The following VASH2 variants were observed in gnomAD, a reference collection of about 807,000 sequenced individuals.
VASH2 encodes the protein tubulinyl-Tyr carboxypeptidase 2.
VASH2 carries 28 observed loss-of-function variants against 37.2 expected under a neutral mutation model. That is an observed-to-expected ratio of 0.75 (90% confidence interval 0.56 to 1.03). The LOEUF (loss-of-function observed/expected upper bound fraction) is 1.03. VASH2 is among the 50% of genes least tolerant of loss of function. VASH2 has a pLI of 0.00. For missense variants in VASH2, 419 were observed against 459.1 expected (o/e 0.91, Z 0.80); for synonymous variants, 188 against 174.7 (o/e 1.08, Z -0.60).
Position 212,951,840 on chromosome 1 carries a change from G to A in VASH2, c.276+22G>A, listed in dbSNP as rs1666320889. 1 of 1,589,222 alleles carries A rather than the reference G, an allele frequency of 6.3e-7. No homozygotes were observed. Among genetic ancestry groups the A allele is most frequent in the Non-Finnish European group, 8.5e-7 (1 of 1,172,584 alleles). On this transcript the variant is annotated intron_variant, in intron 2 of 7. Coordinates refer to ENST00000517399, the MANE Select transcript of VASH2 (RefSeq NM_001301056.2). The surrounding 1 kb of genome is among the most constrained non-coding windows in gnomAD (Gnocchi z 4.4). The stretch of plus-strand genomic sequence containing the variant: ...AAAGGTCAGTGGCTTCCAGGGCGGA[G>A]TTGGGGGGCTGGGGGTAGGTAGGCA...
chr1:212,968,406 C>T (rs1666911748), intron 5 of VASH2: 27 of 985,458 alleles, frequency 2.7e-5, no homozygotes, highest in Non-Finnish European at 3.3e-5. Context: ...CAGAATTAGA[C>T]TGGGGACAGG....
chr1:212,983,003 G>C (rs1219515838), intron 7 of VASH2, among the ~76,000 whole-genome samples: 7 of 152,142 alleles, frequency 4.6e-5, no homozygotes, highest in Admixed American at 2.0e-4. Context: ...ATGTTGTCAT[G>C]GTAACTTGAA....
chr1:212,965,010 T>C (rs984673855), intron 3 of VASH2, among the ~76,000 whole-genome samples: 12 of 151,946 alleles, frequency 7.9e-5, no homozygotes, highest in Admixed American at 3.3e-4. Context: ...AAATTCTGCC[T>C]CTTAGATTCA....
intron 6 of VASH2, chr1:212,973,420 C>T (rs2102646191): frequency 1.5e-6 from 2 of 1,291,570 alleles, no homozygotes; most frequent in Middle Eastern, 2.1e-4. Context: ...CCATGTCCCT[C>T]CAGGGCTTGT....
At chr1:212,973,901 G>A (rs1279692637) in intron 6 of VASH2, 54 bp from the exon 7 acceptor site, 3 of 1,583,340 alleles carry the variant, frequency 1.9e-6, no homozygotes, top group African/African-American at 1.3e-5. Context: ...AAGAAGACCT[G>A]AGGGTGGAGG....
intron 6 of VASH2, chr1:212,973,345 C>A: frequency 8.0e-7 from 1 of 1,257,202 alleles, no homozygotes. Context: ...CTTATATAGA[C>A]TATACTCATA....
intron 5 of VASH2, chr1:212,967,012 T>G: frequency 5.3e-6 from 5 of 936,792 alleles, no homozygotes; most frequent in South Asian, 1.4e-5. Flanking sequence ...CCCAAAGTGT[T>G]GAGATTAGAG....
intron 3 of VASH2, among the ~76,000 whole-genome samples, chr1:212,964,028 T>C (rs1204686197): frequency 6.6e-6 from 1 of 152,158 alleles, no homozygotes; most frequent in Non-Finnish European, 1.5e-5. Flanking sequence ...GGCAAGACTG[T>C]ATGGTTAGTT....
Position 212,951,595 on chromosome 1 carries a change from A to T in VASH2, c.53A>T (p.Lys18Ile). The stretch of plus-strand genomic sequence containing the variant: ...CGCTGCCCCCACCCCAAAGGCGCCA[A>T]AGGCACCCGGTCCCGGAGCAGCCAC... ...THRCPHPKGAKGTRSRSSHAR... is the reference protein window; with the variant it reads ...THRCPHPKGAIGTRSRSSHAR... Residue 18 changes from lysine to isoleucine, a missense_variant, in exon 2 of 8, where the codon AAA becomes ATA. By Grantham distance (102) the Lys-to-Ile change is moderately radical (BLOSUM62 -3). Transcript: ENST00000517399. This position sits in a 1 kb window ranked among gnomAD's most constrained non-coding sequence, Gnocchi z 4.4. 1 of 1,550,790 alleles carries T rather than the reference A, an allele frequency of 6.4e-7. No individual in the cohort carries two copies. Among genetic ancestry groups the T allele is most frequent in the Non-Finnish European group, 8.7e-7 (1 of 1,147,612 alleles).
At chr1:212,979,331 G>C (rs1049313987) in intron 7 of VASH2, among the ~76,000 whole-genome samples, 1 of 152,224 alleles carries the variant, frequency 6.6e-6, no homozygotes, top group East Asian at 1.9e-4. Context: ...GAATCTTACT[G>C]TAAGATGGCC....
intron 2 of VASH2, among the ~76,000 whole-genome samples, chr1:212,952,037 C>T (rs1666329556): frequency 6.6e-6 from 1 of 152,294 alleles, no homozygotes; most frequent in South Asian, 2.1e-4. Flanking sequence ...GGCTTGCTAT[C>T]CTGGGACTGT....
chr1:212,982,926 TTCA>T (rs1667379257), intron 7 of VASH2, among the ~76,000 whole-genome samples: 2 of 152,150 alleles, frequency 1.3e-5, no homozygotes, highest in East Asian at 3.8e-4. Flanking sequence ...CCACATGGCT[TTCA>T]GGGGTAAAGC....
In VASH2 at chr1:212,966,260, C is replaced by G; in HGVS notation, c.423-11C>G. Reference sequence around the variant, plus strand: ...AGGTTCTGAGATCCTCTGCTGTGCTCTATCCTACAGGTTAATGGAAACAGC... The same window carrying G: ...AGGTTCTGAGATCCTCTGCTGTGCTGTATCCTACAGGTTAATGGAAACAGC... On this transcript the variant is annotated splice_polypyrimidine_tract_variant and intron_variant, in intron 4 of 7. Coordinates refer to ENST00000517399, the MANE Select transcript of VASH2 (RefSeq NM_001301056.2). 6 of 1,551,244 alleles carry G rather than the reference C, an allele frequency of 3.9e-6. No homozygotes were observed. The highest frequency in any genetic ancestry group is 1.2e-5 in the South Asian group (1 of 84,038).
intron 7 of VASH2, among the ~76,000 whole-genome samples, chr1:212,985,170 T>C (rs1350400361): frequency 6.7e-6 from 1 of 149,720 alleles, no homozygotes; most frequent in Non-Finnish European, 1.5e-5. Flanking sequence ...TACAGGCGCA[T>C]GTCACCATGT....
intron 7 of VASH2, among the ~76,000 whole-genome samples, chr1:212,986,477 A>C (rs1667482318): frequency 1.3e-5 from 2 of 152,212 alleles, no homozygotes. Flanking sequence ...GGACTCTTTA[A>C]ACCTGACTTG....
chr1:212,987,542 C>G (rs1667516483), intron 7 of VASH2, among the ~76,000 whole-genome samples: 1 of 152,102 alleles, frequency 6.6e-6, no homozygotes, highest in Non-Finnish European at 1.5e-5. Context: ...CCACGGCACT[C>G]TAGCCTGGGC....
At position 212,972,920 on chromosome 1, in the gene VASH2, A is replaced by C; in HGVS notation, c.838A>C (p.Arg280=). 6.2e-7 allele frequency: 1 copy of C among 1,613,932 alleles called. No homozygotes were observed. Among genetic ancestry groups the C allele is most frequent in the Non-Finnish European group, 8.5e-7 (1 of 1,180,034 alleles). The part of the protein sequence containing the change: ...NVSKMLRADI[R]KELEKYARDM... ...CTCAAAGATGCTGAGGGCTGACATA[A>C]GGAAGGAGCTGGAGAAATATGCCAG... Residue 280 remains arginine (R), a synonymous_variant, in exon 6 of 8, where the codon AGG becomes CGG. Coordinates refer to ENST00000517399, the MANE Select transcript of VASH2 (RefSeq NM_001301056.2).
intron 7 of VASH2, among the ~76,000 whole-genome samples, chr1:212,982,944 C>T (rs1667379707): frequency 6.6e-6 from 1 of 152,110 alleles, no homozygotes; most frequent in South Asian, 2.1e-4. Context: ...TAAAGCAAAC[C>T]CACTCCAATA....
rs371724383 is a variant in VASH2, at chr1:212,954,489, C to T, written c.276+2671C>T. ...AGGCTGGAGTGCAGTGGTGCGATCT[C>T]GGTTCACTGCAACCTCCACCTCCCG... is the stretch of plus-strand genomic sequence containing the variant. On this transcript the variant is annotated intron_variant, in intron 2 of 7. Transcript: ENST00000517399. 1.3e-4 allele frequency among the ~76,000 whole-genome samples: 20 copies of T among 152,178 alleles called. No homozygotes were observed. In the South Asian group the frequency reaches 3.5e-3, roughly 27 times the overall value.
Sources: gnomAD v4.1 joint callset for allele counts (sites outside exome capture counted in the v4.1 genomes callset) on GRCh38, gnomAD v4.1.1 for gene constraint, Gnocchi (gnomAD v3.1) non-coding constraint, MANE v1.5 for transcripts, NCBI Gene and HGNC (gene_info 2026-07-23, HGNC 2026-07-21) for gene names.